Variants in HUNK observed in about 807,000 individuals in gnomAD.
The protein encoded by HUNK is hormonally up-regulated Neu-associated kinase, also known as hormonally up-regulated neu tumor-associated kinase.
In HUNK, 21 loss-of-function variants were observed where a neutral mutation model predicts 61.0. The ratio of observed to expected loss-of-function variants is 0.34; its 90% confidence interval spans 0.24 to 0.50. The LOEUF is 0.50. Among genes scored for constraint, HUNK ranks in the 20% least tolerant of loss-of-function variants. HUNK has a pLI of 0.98. For missense variants in HUNK, 772 were observed against 945.7 expected (o/e 0.82, Z 2.41); for synonymous variants, 371 against 386.1 (o/e 0.96, Z 0.46).
intron 1 of HUNK, among the ~76,000 whole-genome samples, chr21:31,920,092 C>T (rs1351289599): frequency 1.3e-5 from 2 of 152,184 alleles, no homozygotes. Context: ...TTCTGGCTTC[C>T]AGTGGCAGCC....
At chr21:31,916,101 A>T (rs2052580687) in intron 1 of HUNK, among the ~76,000 whole-genome samples, 2 of 112,200 alleles carry the variant, frequency 1.8e-5, no homozygotes. Flanking sequence ...CCCAGGCTGG[A>T]GTGCAGCGGC....
chr21:31,874,395 G>A (rs939484168), intron 1 of HUNK, among the ~76,000 whole-genome samples: 1 of 152,000 alleles, frequency 6.6e-6, no homozygotes, highest in African/African-American at 2.4e-5. Flanking sequence ...TCTGATCCCC[G>A]TCCTGGGCTC....
chr21:31,919,083 AGCG>A (rs2052605371), intron 1 of HUNK, among the ~76,000 whole-genome samples: 1 of 100,540 alleles, frequency 9.9e-6, no homozygotes, highest in African/African-American at 6.1e-5. Context: ...GGCTGGACTG[AGCG>A]GTATGAGGAG....
rs779772512 is a variant in HUNK at position 31,974,579 on chromosome 21, G to A, written c.1035G>A (p.Pro345=). The A allele has an allele frequency of 2.5e-5, 41 of 1,613,422 alleles. 2 individuals are homozygous for A. In the South Asian group the frequency reaches 3.3e-4, roughly 13 times the overall value. ...PNRISLEDLS[P]SVVLHMTEKL... is the part of the protein sequence containing the mutation. The stretch of plus-strand genomic sequence containing the variant: ...GGATTTCTCTGGAAGATCTGAGCCC[G>A]AGCGTCGTGCTGCACATGACCGAGA... Residue 345 remains proline (P), a synonymous_variant, in exon 7 of 11, where the codon CCG becomes CCA. Coordinates refer to ENST00000270112, the MANE Select transcript of HUNK (RefSeq NM_014586.2).
intron 5 of HUNK, among the ~76,000 whole-genome samples, chr21:31,961,633 G>A (rs570442019): frequency 1.2e-4 from 19 of 152,322 alleles, no homozygotes; most frequent in African/African-American, 4.6e-4. Context: ...AAGATGTGAT[G>A]TTTCCAAATA....
chr21:31,886,471 C>T (rs2123790388), intron 1 of HUNK, among the ~76,000 whole-genome samples: 1 of 149,944 alleles, frequency 6.7e-6, no homozygotes, highest in South Asian at 2.1e-4. Flanking sequence ...TACTGAGGTA[C>T]TGGGGTTAGG....
At chr21:31,966,289 C>T (rs947642125) in intron 5 of HUNK, among the ~76,000 whole-genome samples, 4 of 152,050 alleles carry the variant, frequency 2.6e-5, no homozygotes, top group African/African-American at 2.4e-5. Flanking sequence ...ATATATATGA[C>T]ATGTATATAT....
chr21:31,948,714 T>C (rs1036846571), intron 4 of HUNK, among the ~76,000 whole-genome samples: 4 of 151,866 alleles, frequency 2.6e-5, no homozygotes, highest in African/African-American at 7.3e-5. Flanking sequence ...GGAGCAGGCA[T>C]TTCATCCAGG....
chr21:31,924,740 C>A lies in HUNK; in HGVS notation c.534C>A (p.His178Gln). The change falls in exon 2 of 11, where the codon CAC becomes CAA. Residue 178 changes from histidine (H) to glutamine (Q), a missense_variant. By Grantham distance (24) the His-to-Gln change is conservative. Around this residue, in one of 2 missense-constraint regions of HUNK, gnomAD observed 359 missense variants for 501.3 expected, o/e 0.72. Coordinates refer to ENST00000270112, the MANE Select transcript of HUNK (RefSeq NM_014586.2). The surrounding 1 kb of genome is among the most constrained non-coding windows in gnomAD (Gnocchi z 5.1). ...TCATCTCTGCCGTAGAGCACCTGCA[C>A]CGGGCCGGGGTGGTCCACAGGTAAG... ...RQLISAVEHL[H>Q]RAGVVHRDLK... The A allele has an allele frequency of 6.2e-7, 1 of 1,610,658 alleles. No individual in the cohort carries two copies. The highest frequency in any genetic ancestry group is 1.1e-5 in the South Asian group (1 of 90,746).
intron 4 of HUNK, 38 bp from the exon 5 acceptor site, chr21:31,958,805 A>T: frequency 6.5e-7 from 1 of 1,532,798 alleles, no homozygotes; most frequent in Non-Finnish European, 8.8e-7. Context: ...TCCCCAGGGG[A>T]CCTGACTCCG....
intron 1 of HUNK, among the ~76,000 whole-genome samples, chr21:31,922,213 C>T (rs1430772547): frequency 4.0e-5 from 6 of 151,824 alleles, no homozygotes; most frequent in South Asian, 2.1e-4. Context: ...GACAGGGTTT[C>T]GCCATGTTGG....
At chr21:31,900,823 G>A (rs1234627052) in intron 1 of HUNK, among the ~76,000 whole-genome samples, 2 of 152,208 alleles carry the variant, frequency 1.3e-5, no homozygotes, top group Non-Finnish European at 2.9e-5. Context: ...TGTAGCCCTT[G>A]AGTACTGCAT....
intron 1 of HUNK, among the ~76,000 whole-genome samples, chr21:31,922,905 G>A (rs1189192721): frequency 6.6e-6 from 1 of 152,188 alleles, no homozygotes; most frequent in African/African-American, 2.4e-5. Flanking sequence ...ACAAGAAATG[G>A]AAGGTCCACT....
At chr21:31,882,133 G>C (rs1301939178) in intron 1 of HUNK, among the ~76,000 whole-genome samples, 1 of 152,004 alleles carries the variant, frequency 6.6e-6, no homozygotes, top group Non-Finnish European at 1.5e-5. Context: ...TTGGATTTTT[G>C]ATGAGTAGAG....
Position 31,924,665 on chromosome 21 carries a change from T to C in HUNK, c.459T>C (p.Tyr153=), listed in dbSNP as rs1460375522. 1.2e-6 allele frequency: 2 copies of C among 1,614,140 alleles called. No homozygotes were observed. ...CPGGNLMHKI[Y]EKKRLEESEA... is the part of the protein sequence containing the mutation. ...GGGGCAACCTGATGCACAAGATCTATGAGAAGAAGCGGCTGGAGGAGTCCG... is the reference window on the plus strand; with the variant it reads ...GGGGCAACCTGATGCACAAGATCTACGAGAAGAAGCGGCTGGAGGAGTCCG... Residue 153 remains tyrosine, a synonymous_variant, in exon 2 of 11, where the codon TAT becomes TAC. Transcript: ENST00000270112. The surrounding 1 kb of genome is among the most constrained non-coding windows in gnomAD (Gnocchi z 5.1).
At chr21:31,928,741 A>G (rs1385523932) in intron 2 of HUNK, among the ~76,000 whole-genome samples, 1 of 152,168 alleles carries the variant, frequency 6.6e-6, no homozygotes, top group Non-Finnish European at 1.5e-5. Flanking sequence ...GAATGTCTTG[A>G]CTTTCAAAGA....
chr21:31,942,931 C>T (rs942691221), intron 3 of HUNK, among the ~76,000 whole-genome samples: 2 of 152,046 alleles, frequency 1.3e-5, no homozygotes, highest in South Asian at 2.1e-4. Flanking sequence ...AAGAAAGAAC[C>T]GCATTTCCGG....
intron 3 of HUNK, among the ~76,000 whole-genome samples, chr21:31,941,050 C>T (rs2833566): frequency 0.37 from 55,561 of 152,010 alleles, 13,250 homozygotes; most frequent in African/African-American, 0.69. Context: ...TGAAAGTCAT[C>T]ACAAGATTCT....
intron 1 of HUNK, among the ~76,000 whole-genome samples, chr21:31,907,953 G>GC (rs2123803510): frequency 6.6e-6 from 1 of 152,058 alleles, no homozygotes; most frequent in Admixed American, 6.6e-5. Context: ...TCGCGCCACT[G>GC]CAACTCCAGC....
Sources: allele counts gnomAD v4.1 joint callset (sites outside exome capture counted in the v4.1 genomes callset), GRCh38; gene constraint gnomAD v4.1.1; regional missense constraint gnomAD v4.1.1; non-coding constraint Gnocchi (gnomAD v3.1); transcripts MANE v1.5; gene names NCBI Gene and HGNC (gene_info 2026-07-23, HGNC 2026-07-21).